The following STXBP6 variants were observed in gnomAD, a reference collection of about 807,000 sequenced individuals.
The protein encoded by STXBP6 is syntaxin-binding protein 6.
A neutral mutation model predicts 26.9 loss-of-function variants in STXBP6; 21 were observed. That is an observed-to-expected ratio of 0.78 (90% confidence interval 0.55 to 1.12). The LOEUF is 1.12. Ranked by LOEUF, STXBP6 falls within the 50% of genes most tolerant of loss-of-function variation. The pLI, the probability that STXBP6 is intolerant of heterozygous loss-of-function variation, is 0.00. For synonymous variants in STXBP6, 97 were observed against 92.6 expected (o/e 1.05, Z -0.27); for missense variants, 232 against 257.9 (o/e 0.90, Z 0.69).
At chr14:24,859,940 T>G (rs2069474271) in intron 2 of STXBP6, among the ~76,000 whole-genome samples, 1 of 152,218 alleles carries the variant, frequency 6.6e-6, no homozygotes, top group Admixed American at 6.5e-5. Flanking sequence ...TCAGGCCGCT[T>G]TGCTATTAGC....
chr14:24,892,589 A>G (rs1210738458), intron 2 of STXBP6, among the ~76,000 whole-genome samples: 1 of 151,442 alleles, frequency 6.6e-6, no homozygotes, highest in Non-Finnish European at 1.5e-5. Context: ...GAGGGCAGGG[A>G]CCCCCCGCCC....
At chr14:25,030,558 A>G (rs1456904348) in intron 1 of STXBP6, among the ~76,000 whole-genome samples, 1 of 152,190 alleles carries the variant, frequency 6.6e-6, no homozygotes, top group South Asian at 2.1e-4. Flanking sequence ...CAAAATGCTT[A>G]CTGTGTTGGG....
At chr14:24,843,381 C>T (rs1483372140) in intron 4 of STXBP6, among the ~76,000 whole-genome samples, 1 of 152,138 alleles carries the variant, frequency 6.6e-6, no homozygotes, top group Non-Finnish European at 1.5e-5. Flanking sequence ...TCTCTACTTC[C>T]ATTAACTCCT....
At chr14:24,864,602 T>C (rs1465780472) in intron 2 of STXBP6, among the ~76,000 whole-genome samples, 1 of 151,948 alleles carries the variant, frequency 6.6e-6, no homozygotes, top group Admixed American at 6.6e-5. Context: ...TCTCCTTTAA[T>C]GTGAGAAGGC....
chr14:24,998,849 CTTCAATA>C (rs1210418871), intron 1 of STXBP6, among the ~76,000 whole-genome samples: 1 of 152,124 alleles, frequency 6.6e-6, no homozygotes, highest in African/African-American at 2.4e-5. Context: ...AATAGTCTGT[CTTCAATA>C]TTCAAGGGAT....
intron 2 of STXBP6, among the ~76,000 whole-genome samples, chr14:24,926,946 A>AAT (rs1332600638): frequency 6.6e-6 from 1 of 152,132 alleles, no homozygotes; most frequent in Non-Finnish European, 1.5e-5. Flanking sequence ...TTTAAAAAAA[A>AAT]AATAAAGTTA....
chr14:25,014,177 C>T (rs527789153), intron 1 of STXBP6, among the ~76,000 whole-genome samples: 6 of 152,238 alleles, frequency 3.9e-5, no homozygotes, highest in Admixed American at 1.3e-4. Flanking sequence ...CTCCTGTGTA[C>T]GTTTGAAATT....
rs1380654344 is a variant in STXBP6, at chr14:24,840,735, G to A, written c.451+15201C>T. The stretch of plus-strand genomic sequence containing the variant: ...ACTCATTTCATCAGAGATAGAGTTT[G>A]CCCTCATAAATTCTCTGAGCTGATT... On this transcript the variant is annotated intron_variant, in intron 4 of 5. Transcript: ENST00000323944. 2.0e-5 allele frequency among the ~76,000 whole-genome samples: 3 copies of A among 152,230 alleles called. No homozygotes were observed. The East Asian group carries it at 5.8e-4, about 29-fold the overall frequency.
At chr14:24,989,752 T>C (rs964070863) in intron 1 of STXBP6, among the ~76,000 whole-genome samples, 3 of 152,116 alleles carry the variant, frequency 2.0e-5, no homozygotes, top group African/African-American at 4.8e-5. Flanking sequence ...CCATCACGAG[T>C]GTGGGCTCTG....
At chr14:24,963,773 C>T (rs1373291540) in intron 2 of STXBP6, among the ~76,000 whole-genome samples, 1 of 152,028 alleles carries the variant, frequency 6.6e-6, no homozygotes, top group Non-Finnish European at 1.5e-5. Context: ...CCACTGTAGG[C>T]CACAATGGAA....
chr14:24,959,517 G>A (rs2073458012), intron 2 of STXBP6, among the ~76,000 whole-genome samples: 1 of 152,166 alleles, frequency 6.6e-6, no homozygotes. Flanking sequence ...ATTTTTAACA[G>A]TTCCCAATTT....
At chr14:24,922,342 T>A (rs1400804517) in intron 2 of STXBP6, among the ~76,000 whole-genome samples, 1 of 152,132 alleles carries the variant, frequency 6.6e-6, no homozygotes, top group Non-Finnish European at 1.5e-5. Context: ...GGGAACCAGG[T>A]AGAGACATCA....
intron 5 of STXBP6, chr14:24,818,121 AT>A: frequency 2.2e-6 from 1 of 456,744 alleles, no homozygotes; most frequent in South Asian, 1.5e-5. Flanking sequence ...TGAAAAGTGT[AT>A]TTGAAGGGCC....
intron 2 of STXBP6, among the ~76,000 whole-genome samples, chr14:24,935,786 A>G (rs142831824): frequency 1.3e-5 from 2 of 152,348 alleles, no homozygotes; most frequent in African/African-American, 4.8e-5. Flanking sequence ...ATAAGCCAAC[A>G]TGACTCCACC....
intron 2 of STXBP6, among the ~76,000 whole-genome samples, chr14:24,950,350 T>C (rs1297476147): frequency 6.6e-6 from 1 of 152,174 alleles, no homozygotes; most frequent in Non-Finnish European, 1.5e-5. Flanking sequence ...AACAGAAATA[T>C]GTAATTATAT....
intron 2 of STXBP6, among the ~76,000 whole-genome samples, chr14:24,885,146 G>A (rs1188035903): frequency 6.6e-6 from 1 of 152,102 alleles, no homozygotes; most frequent in Non-Finnish European, 1.5e-5. Context: ...GGGTATATCT[G>A]AAAATCTAAG....
chr14:24,863,275 A>C (rs1041287956), intron 2 of STXBP6, among the ~76,000 whole-genome samples: 1 of 152,130 alleles, frequency 6.6e-6, no homozygotes, highest in African/African-American at 2.4e-5. Flanking sequence ...GTATAAATCC[A>C]TGAGGGAATG....
At chr14:24,860,627 G>A (rs2069501499) in intron 2 of STXBP6, among the ~76,000 whole-genome samples, 1 of 152,168 alleles carries the variant, frequency 6.6e-6, no homozygotes, top group Non-Finnish European at 1.5e-5. Context: ...TTTTAAAGGA[G>A]ACAATCAGTA....
At chr14:24,943,294 C>T (rs895766674) in intron 2 of STXBP6, among the ~76,000 whole-genome samples, 2 of 152,226 alleles carry the variant, frequency 1.3e-5, no homozygotes, top group African/African-American at 4.8e-5. Context: ...TTCTGAAAGG[C>T]AAGTGTGGCC....
Sources: allele counts gnomAD v4.1 joint callset (sites outside exome capture counted in the v4.1 genomes callset), GRCh38; gene constraint gnomAD v4.1.1; transcripts MANE v1.5; gene names NCBI Gene and HGNC (gene_info 2026-07-23, HGNC 2026-07-21).